The following MACROD2 variants were observed in gnomAD, a reference collection of about 807,000 sequenced individuals.
MACROD2 encodes mono-ADP ribosylhydrolase 2, also known as ADP-ribose glycohydrolase MACROD2.
Under a neutral mutation model 70.4 loss-of-function variants are expected in MACROD2, and 36 were observed. The ratio of observed to expected loss-of-function variants is 0.51; its 90% CI spans 0.39 to 0.68. The LOEUF (loss-of-function observed/expected upper bound fraction) is 0.68. Among genes scored for constraint, MACROD2 ranks in the 30% least tolerant of loss-of-function variants. MACROD2 has a pLI of 0.00. For synonymous variants in MACROD2, 172 were observed against 178.8 expected, an observed-to-expected ratio of 0.96 and a Z score of 0.30; for missense variants, 496 against 538.4, an observed-to-expected ratio of 0.92 and a Z score of 0.78.
intron 5 of MACROD2, among the ~76,000 whole-genome samples, chr20:14,872,440 C>G (rs1343996541): frequency 1.3e-5 from 2 of 152,054 alleles, no homozygotes; most frequent in Non-Finnish European, 2.9e-5. Context: ...AACAGCTAGA[C>G]AGTTTCTCTC....
At chr20:14,324,004 T>A (rs1016294450) in intron 3 of MACROD2, 1 of 152,184 alleles carries the variant, frequency 6.6e-6, no homozygotes, top group Non-Finnish European at 1.5e-5. Context: ...GTTGATTTTT[T>A]AAAATTTTTA....
At chr20:14,081,552 A>C (rs2053995136) in intron 2 of MACROD2, among the ~76,000 whole-genome samples, 1 of 152,210 alleles carries the variant, frequency 6.6e-6, no homozygotes, top group African/African-American at 2.4e-5. Flanking sequence ...CTTTGTGTAC[A>C]TAGAGAATGT....
At chr20:15,449,567 A>G (rs1413094781) in intron 7 of MACROD2, among the ~76,000 whole-genome samples, 1 of 152,224 alleles carries the variant, frequency 6.6e-6, no homozygotes, top group Non-Finnish European at 1.5e-5. Context: ...TTCACTTCAT[A>G]TATAAGCCTA....
intron 5 of MACROD2, among the ~76,000 whole-genome samples, chr20:15,093,707 A>T (rs971709622): frequency 6.6e-6 from 1 of 152,192 alleles, no homozygotes; most frequent in South Asian, 2.1e-4. Flanking sequence ...TCTAATATTC[A>T]TTCTGATGAC....
At chr20:15,894,627 G>A (rs534362343) in intron 10 of MACROD2, among the ~76,000 whole-genome samples, 1 of 152,318 alleles carries the variant, frequency 6.6e-6, no homozygotes, top group South Asian at 2.1e-4. Context: ...CTCTACACAA[G>A]GAGCAAAGGA....
chr20:14,494,275 C>T (rs1353164782), intron 4 of MACROD2, among the ~76,000 whole-genome samples: 1 of 151,992 alleles, frequency 6.6e-6, no homozygotes, highest in Non-Finnish European at 1.5e-5. Context: ...TCTCTTTCTC[C>T]CTTCCTTTCT....
intron 12 of MACROD2, among the ~76,000 whole-genome samples, chr20:15,949,682 T>C (rs1009368487): frequency 1.3e-5 from 2 of 152,222 alleles, no homozygotes; most frequent in African/African-American, 4.8e-5. Context: ...GCCTGCTTTG[T>C]GTTTTATTCT....
intron 9 of MACROD2, among the ~76,000 whole-genome samples, chr20:15,877,310 G>A (rs1401936569): frequency 2.0e-5 from 3 of 152,072 alleles, no homozygotes; most frequent in Non-Finnish European, 4.4e-5. Context: ...CCATATCTCT[G>A]TAACTGATGC....
At chr20:14,043,265 C>T (rs991986279) in intron 2 of MACROD2, among the ~76,000 whole-genome samples, 7 of 152,164 alleles carry the variant, frequency 4.6e-5, no homozygotes, top group African/African-American at 1.4e-4. Context: ...AACTATAAAT[C>T]AGGGATCTCA....
At chr20:15,057,171 G>A (rs1464059211) in intron 5 of MACROD2, among the ~76,000 whole-genome samples, 2 of 152,154 alleles carry the variant, frequency 1.3e-5, no homozygotes, top group East Asian at 1.9e-4. Flanking sequence ...ACATAGCCAT[G>A]CTTTAAAATA....
At chr20:15,410,706 C>T (rs1304296237) in intron 6 of MACROD2, among the ~76,000 whole-genome samples, 3 of 151,488 alleles carry the variant, frequency 2.0e-5, no homozygotes, top group Non-Finnish European at 1.5e-5. Flanking sequence ...ACAAAATAGT[C>T]ATCCAGTCTT....
At chr20:15,891,178 G>T (rs1262575898) in intron 10 of MACROD2, among the ~76,000 whole-genome samples, 1 of 152,182 alleles carries the variant, frequency 6.6e-6, no homozygotes, top group Admixed American at 6.5e-5. Context: ...GAGATTCAAA[G>T]GGTGAGAAGG....
At position 14,114,457 on chromosome 20, in the gene MACROD2, A is replaced by G. The variant is rs567511213; in HGVS notation, c.271+28729A>G. On this transcript the variant is annotated intron_variant, in intron 3 of 17. Coordinates refer to ENST00000684519, the MANE Select transcript of MACROD2 (RefSeq NM_001351661.2). ...GAATACAATAAAAGATGACAGAGTG[A>G]TTGATTGTCCAAAGCCTATAGATAG... Among the ~76,000 whole-genome samples, 3 of 152,274 alleles carry G rather than the reference A, an allele frequency of 2.0e-5. No individual in the cohort carries two copies. In the East Asian group the frequency reaches 5.8e-4, roughly 29 times the overall value.
intron 3 of MACROD2, among the ~76,000 whole-genome samples, chr20:14,202,867 A>C (rs2081490761): frequency 6.6e-6 from 1 of 152,066 alleles, no homozygotes; most frequent in African/African-American, 2.4e-5. Flanking sequence ...TGACCAACAT[A>C]GTGAAACCCC....
chr20:14,411,886 T>A lies in MACROD2; in HGVS notation c.272-81593T>A, dbSNP rs2083753808. Among the ~76,000 whole-genome samples, 4 of 152,082 alleles carry A rather than the reference T, an allele frequency of 2.6e-5. No individual in the cohort carries two copies. In the South Asian group the frequency reaches 8.3e-4, roughly 31 times the overall value. ...CTCTCTGTTCTCAACCCCAAAAGACTTAGACACCACTCTCTTAAAACCAGT... is the reference window on the plus strand; with the variant it reads ...CTCTCTGTTCTCAACCCCAAAAGACATAGACACCACTCTCTTAAAACCAGT... On this transcript the variant is annotated intron_variant, in intron 3 of 17. Transcript: ENST00000684519.
At chr20:15,495,737 G>T (rs1160103286) in intron 7 of MACROD2, among the ~76,000 whole-genome samples, 1 of 152,164 alleles carries the variant, frequency 6.6e-6, no homozygotes, top group Non-Finnish European at 1.5e-5. Flanking sequence ...CTCTATTAAG[G>T]TTATTAATCA....
chr20:14,072,404 G>T (rs2053857415), intron 2 of MACROD2, among the ~76,000 whole-genome samples: 1 of 120,102 alleles, frequency 8.3e-6, no homozygotes, highest in African/African-American at 3.2e-5. Context: ...TGAAGATCAT[G>T]GGCTGCCTGG....
chr20:15,638,207 G>A (rs2049399806), intron 8 of MACROD2, among the ~76,000 whole-genome samples: 1 of 152,212 alleles, frequency 6.6e-6, no homozygotes, highest in Non-Finnish European at 1.5e-5. Flanking sequence ...CCACATGGAA[G>A]CATGGCAACC....
At chr20:14,843,839 C>A (rs1367181997) in intron 5 of MACROD2, among the ~76,000 whole-genome samples, 2 of 152,046 alleles carry the variant, frequency 1.3e-5, no homozygotes, top group Admixed American at 6.6e-5. Context: ...TGTACAAGTT[C>A]TTTTCTTTTC....
Sources: gnomAD v4.1 joint callset for allele counts (sites outside exome capture counted in the v4.1 genomes callset) on GRCh38, gnomAD v4.1.1 for gene constraint, MANE v1.5 for transcripts, NCBI Gene and HGNC (gene_info 2026-07-23, HGNC 2026-07-21) for gene names.